Variants in BANP observed in about 807,000 individuals in gnomAD.
BANP encodes BTG3 associated nuclear protein.
Under a neutral mutation model 68.1 loss-of-function variants are expected in BANP, and 11 were observed. That is an observed-to-expected ratio of 0.16 (90% CI 0.10 to 0.27). The LOEUF (loss-of-function observed/expected upper bound fraction) is 0.27, where lower values mean the gene tolerates loss of function less well. BANP is among the 10% of genes least tolerant of loss of function. The probability of loss-of-function intolerance (pLI) is 1.00; values close to 1 mark genes in which losing one functional copy is unlikely to be tolerated. For synonymous variants in BANP, 329 were observed against 303.2 expected (o/e 1.09, Z -0.88); for missense variants, 504 against 722.7 (o/e 0.70, Z 3.47).
intron 7 of BANP, among the ~76,000 whole-genome samples, chr16:88,023,992 G>A (rs187690745): frequency 1.3e-5 from 2 of 152,352 alleles, no homozygotes; most frequent in East Asian, 3.9e-4. Context: ...ACGCCACGCT[G>A]TGGGGATCCC....
rs2060603478 is a variant in BANP, at chr16:87,968,856, AT to A, written c.-68-6186del. 2.6e-5 allele frequency among the ~76,000 whole-genome samples: 4 copies of A among 152,216 alleles called. 1 individual carries two copies. In the South Asian group the frequency reaches 6.2e-4, roughly 24 times the overall value. On this transcript the variant is annotated intron_variant, in intron 1 of 13. Transcript: ENST00000682872. ...GATCTGCATATTTTCCTGTCCGATC[AT>A]TTTTTAAAAGTATACTTCTTTTTCT...
rs2070380223 is a variant in BANP at position 88,004,485 on chromosome 16, A to G, written c.479+74A>G. On this transcript the variant is annotated intron_variant, in intron 5 of 13. Transcript: ENST00000682872. This position sits in a 1 kb window ranked among gnomAD's most constrained non-coding sequence, Gnocchi z 7.0. ...CCCATGAGAATAAGTCAACGTCCCT[A>G]AGCCAGGGCACAGTCCAGCACACGC... The G allele has an allele frequency of 1.2e-6, 1 of 841,276 alleles. No individual in the cohort carries two copies. The highest frequency in any genetic ancestry group is 1.9e-6 in the Non-Finnish European group (1 of 535,176). The allele number at this position is 841,276 out of a possible 1,614,324, so 52.1% of individuals were successfully genotyped here.
At chr16:88,007,501 GC>G (rs1322352373) in intron 6 of BANP, among the ~76,000 whole-genome samples, 2 of 152,214 alleles carry the variant, frequency 1.3e-5, no homozygotes, top group African/African-American at 4.8e-5. Context: ...GCCTCTGTGT[GC>G]CCTTCATCCT....
At chr16:87,960,614 A>T (rs1166760754) in intron 1 of BANP, among the ~76,000 whole-genome samples, 1 of 152,186 alleles carries the variant, frequency 6.6e-6, no homozygotes. Context: ...TTCATGGCAC[A>T]GTGTTGGGTG....
chr16:87,960,525 T>C (rs575288947), intron 1 of BANP, among the ~76,000 whole-genome samples: 25 of 152,364 alleles, frequency 1.6e-4, no homozygotes, highest in African/African-American at 6.0e-4. Flanking sequence ...TGTATACATA[T>C]GTGGCAGAGA....
intron 12 of BANP, 57 bp downstream of exon 12, chr16:88,065,389 CT>C: frequency 1.4e-6 from 1 of 710,242 alleles, no homozygotes; most frequent in South Asian, 1.5e-5. Flanking sequence ...GGAGTCTCTG[CT>C]TTTAAAGACC....
At position 88,034,212 on chromosome 16, in the gene BANP, T is replaced by C. The variant is rs189183439; in HGVS notation, c.1200+967T>C. Among the ~76,000 whole-genome samples, 79 of 152,336 alleles carry C rather than the reference T, an allele frequency of 5.2e-4. 1 individual carries two copies. In the East Asian group the frequency reaches 9.4e-3, roughly 18 times the overall value. On this transcript the variant is annotated intron_variant, in intron 9 of 13. Transcript: ENST00000682872. ...AAGGAGATGAGACAGTTATGAATAG[T>C]GAATCTTATTTAATAAGCTTATTAA...
chr16:87,971,156 A>G (rs1344968981), intron 1 of BANP, among the ~76,000 whole-genome samples: 1 of 152,160 alleles, frequency 6.6e-6, no homozygotes, highest in Non-Finnish European at 1.5e-5. Flanking sequence ...ACATTGTAAC[A>G]TTGGTTTTTG....
intron 4 of BANP, among the ~76,000 whole-genome samples, chr16:87,991,028 T>C (rs545305473): frequency 1.3e-5 from 2 of 152,334 alleles, no homozygotes; most frequent in East Asian, 3.9e-4. Context: ...TCCCAAAGTA[T>C]TGGGATTACA....
intron 1 of BANP, among the ~76,000 whole-genome samples, chr16:87,965,036 G>A (rs182957830): frequency 5.0e-4 from 76 of 152,318 alleles, no homozygotes; most frequent in African/African-American, 1.7e-3. Flanking sequence ...TTGGCGTGGA[G>A]ATGTATCTGA....
At chr16:87,989,030 G>T (rs572208779) in intron 4 of BANP, among the ~76,000 whole-genome samples, 13 of 152,332 alleles carry the variant, frequency 8.5e-5, no homozygotes, top group African/African-American at 2.9e-4. Flanking sequence ...AGTACTGCTT[G>T]CCTCGCTTGG....
chr16:87,969,141 G>A (rs1329478493), intron 1 of BANP, among the ~76,000 whole-genome samples: 1 of 152,164 alleles, frequency 6.6e-6, no homozygotes, highest in Non-Finnish European at 1.5e-5. Flanking sequence ...GGCTCTTGTT[G>A]ACTCCTGAAG....
At chr16:88,016,800 C>G (rs1281350699) in intron 6 of BANP, among the ~76,000 whole-genome samples, 1 of 151,636 alleles carries the variant, frequency 6.6e-6, no homozygotes, top group Non-Finnish European at 1.5e-5. Flanking sequence ...TCTGAGCGTA[C>G]GTTCCTGGCA....
In BANP at chr16:88,006,158, A is replaced by G; in HGVS notation, c.548A>G (p.Glu183Gly). The G allele has an allele frequency of 6.2e-7, 1 of 1,614,010 alleles. No individual in the cohort carries two copies. ...KVPGQEDSHH[E>G]DGESGSEASD... ...CCGGGCCAAGAAGACAGCCACCACG[A>G]GGACGGGGAGAGCGGCTCGGAGGCC... The change falls in exon 6 of 14, where the codon GAG becomes GGG. Residue 183 changes from glutamate (E) to glycine (G), a missense_variant. By Grantham distance (98) the Glu-to-Gly change is moderately conservative (BLOSUM62 -2). Coordinates refer to ENST00000682872, the MANE Select transcript of BANP (RefSeq NM_001386991.1).
chr16:87,978,949 C>G (rs1260224882), intron 2 of BANP, among the ~76,000 whole-genome samples: 1 of 152,156 alleles, frequency 6.6e-6, no homozygotes, highest in Non-Finnish European at 1.5e-5. Context: ...CTAAAATTGA[C>G]TACAAAAACA....
chr16:87,955,092 CAGTGTGCCA>C (rs2057780252), intron 1 of BANP, among the ~76,000 whole-genome samples: 1 of 152,208 alleles, frequency 6.6e-6, no homozygotes, highest in African/African-American at 2.4e-5. Context: ...CTCGCTGGGT[CAGTGTGCCA>C]AGCGGGCCGT....
At chr16:88,047,378 T>C (rs2082271235) in intron 11 of BANP, among the ~76,000 whole-genome samples, 1 of 152,206 alleles carries the variant, frequency 6.6e-6, no homozygotes, top group African/African-American at 2.4e-5. Flanking sequence ...GTCAAGGCAG[T>C]ATTTTCATGC....
chr16:87,995,949 C>T (rs12922246), intron 4 of BANP, among the ~76,000 whole-genome samples: 50,627 of 152,188 alleles, frequency 0.33, 9,785 homozygotes, highest in Non-Finnish European at 0.46. Flanking sequence ...TCAGTGCAGA[C>T]GTGTTAGACG....
chr16:88,058,422 G>GGT (rs2085729078), intron 11 of BANP, among the ~76,000 whole-genome samples: 1 of 152,156 alleles, frequency 6.6e-6, no homozygotes, highest in Non-Finnish European at 1.5e-5. Context: ...AATGGGGCTT[G>GGT]GTCCGCAGCA....
Sources: allele counts gnomAD v4.1 joint callset (sites outside exome capture counted in the v4.1 genomes callset), GRCh38; gene constraint gnomAD v4.1.1; non-coding constraint Gnocchi (gnomAD v3.1); transcripts MANE v1.5; gene names NCBI Gene and HGNC (gene_info 2026-07-23, HGNC 2026-07-21).